Variants in HHAT observed in about 807,000 individuals in gnomAD.
HHAT encodes the protein protein-cysteine N-palmitoyltransferase HHAT.
A neutral mutation model predicts 70.8 loss-of-function variants in HHAT; 47 were observed. That is an observed-to-expected ratio of 0.66 (90% CI 0.53 to 0.85). HHAT has a LOEUF of 0.85. Among genes scored for constraint, HHAT ranks in the 40% least tolerant of loss-of-function variants. HHAT has a pLI of 0.00. For missense variants in HHAT, 609 were observed against 604.8 expected (o/e 1.01, Z -0.07); for synonymous variants, 228 against 247.6 (o/e 0.92, Z 0.74).
chr1:210,521,905 T>A (rs2095164212), intron 9 of HHAT, among the ~76,000 whole-genome samples: 1 of 152,236 alleles, frequency 6.6e-6, no homozygotes, highest in Admixed American at 6.5e-5. Flanking sequence ...AATTAGCATC[T>A]GTATTCAGTC....
chr1:210,355,195 T>C (rs1401162593), intron 2 of HHAT, among the ~76,000 whole-genome samples: 2 of 152,232 alleles, frequency 1.3e-5, no homozygotes, highest in African/African-American at 4.8e-5. Context: ...AATTCTCTTA[T>C]GTTCCATTGG....
chr1:210,584,072 AGC>A lies in HHAT; in HGVS notation c.1044-3825_1044-3824del, dbSNP rs373975260. ...AATTCCCGGGCTAAGCCTCCCGAGT[AGC>A]TGAGACTACAGGTGTGCACCACCAC... On this transcript the variant is annotated intron_variant, in intron 9 of 11. Coordinates refer to ENST00000261458, the MANE Select transcript of HHAT (RefSeq NM_018194.6). 3.4e-4 allele frequency among the ~76,000 whole-genome samples: 50 copies of A among 149,242 alleles called. 2 individuals carry two copies. In the South Asian group the frequency reaches 0.01, roughly 31 times the overall value.
chr1:210,384,432 A>G (rs1233120708), intron 3 of HHAT, among the ~76,000 whole-genome samples: 3 of 152,196 alleles, frequency 2.0e-5, no homozygotes, highest in African/African-American at 7.2e-5. Flanking sequence ...ATAATCAGTC[A>G]TGTAGATTGG....
intron 9 of HHAT, among the ~76,000 whole-genome samples, chr1:210,528,412 G>A (rs1188489591): frequency 1.3e-5 from 2 of 152,232 alleles, no homozygotes; most frequent in African/African-American, 4.8e-5. Flanking sequence ...GCTGGGCCAT[G>A]TAAGGCCTTG....
At chr1:210,382,669 C>G (rs1375261079) in intron 3 of HHAT, among the ~76,000 whole-genome samples, 1 of 152,060 alleles carries the variant, frequency 6.6e-6, no homozygotes, top group African/African-American at 2.4e-5. Context: ...TGAGGTCCAC[C>G]TGGGGAGGTA....
chr1:210,418,220 C>A lies in HHAT; in HGVS notation c.751C>A (p.Leu251Ile). 6.2e-7 allele frequency: 1 copy of A among 1,614,132 alleles called. No homozygotes were observed. The highest frequency in any genetic ancestry group is 1.7e-4 in the Middle Eastern group (1 of 6,060). Residue 251 changes from leucine to isoleucine, a missense_variant, in exon 7 of 12, where the codon CTT becomes ATT. Transcript: ENST00000261458. ...TGTCCTGGCCCTGGGGCTGGGCCGC[C>A]TTCTTTGCTGGTGGTGGCTGGCCGA... Reference protein sequence around the residue: ...LCVLALGLGRLLCWWWLAELM... With the variant: ...LCVLALGLGRILCWWWLAELM...
chr1:210,664,753 T>G (rs893758830), intron 11 of HHAT, among the ~76,000 whole-genome samples: 1 of 152,190 alleles, frequency 6.6e-6, no homozygotes, highest in Admixed American at 6.5e-5. Context: ...GAACCACATG[T>G]GACCCCTCTT....
chr1:210,489,656 A>G (rs4500315), intron 8 of HHAT, among the ~76,000 whole-genome samples: 58,893 of 152,008 alleles, frequency 0.39, 13,725 homozygotes, highest in Non-Finnish European at 0.51. Flanking sequence ...GTAACCATCA[A>G]CTTCTATGTT....
rs541424074 is a variant in HHAT, at chr1:210,534,136, A to G, written c.1043+20948A>G. On this transcript the variant is annotated intron_variant, in intron 9 of 11. Coordinates refer to ENST00000261458, the MANE Select transcript of HHAT (RefSeq NM_018194.6). Reference sequence around the variant, plus strand: ...CTTCCCGCCCCCCACCGCCCCACCAAGTGTTCTCCTAGGTGCTGTTCTGGG... The same window carrying G: ...CTTCCCGCCCCCCACCGCCCCACCAGGTGTTCTCCTAGGTGCTGTTCTGGG... 8.5e-5 allele frequency among the ~76,000 whole-genome samples: 13 copies of G among 152,240 alleles called. No individual in the cohort carries two copies. In the East Asian group the frequency reaches 2.5e-3, roughly 29 times the overall value.
intron 11 of HHAT, among the ~76,000 whole-genome samples, chr1:210,643,313 G>C (rs1423733102): frequency 6.6e-6 from 1 of 152,082 alleles, no homozygotes; most frequent in East Asian, 1.9e-4. Flanking sequence ...ATTTAACTTG[G>C]TTGGCTTTAG....
At chr1:210,533,526 GT>G (rs1408212560) in intron 9 of HHAT, among the ~76,000 whole-genome samples, 5 of 152,166 alleles carry the variant, frequency 3.3e-5, no homozygotes, top group Non-Finnish European at 7.4e-5. Flanking sequence ...GACTAAATAT[GT>G]TTGTAATCAC....
chr1:210,508,401 T>G (rs996683962), intron 8 of HHAT, among the ~76,000 whole-genome samples: 6 of 152,122 alleles, frequency 3.9e-5, no homozygotes, highest in African/African-American at 1.4e-4. Flanking sequence ...AGAGTCACTT[T>G]CTCATATGAT....
chr1:210,404,184 G>C (rs6677509), intron 5 of HHAT, among the ~76,000 whole-genome samples: 2 of 152,026 alleles, frequency 1.3e-5, no homozygotes, highest in Admixed American at 6.6e-5. Context: ...GAAAACCTTC[G>C]TTATGTTGTG....
At chr1:210,437,194 T>C (rs1411839887) in intron 7 of HHAT, among the ~76,000 whole-genome samples, 1 of 151,916 alleles carries the variant, frequency 6.6e-6, no homozygotes, top group Non-Finnish European at 1.5e-5. Context: ...GAACCTTTGA[T>C]AGACTATTCT....
chr1:210,407,930 A>G (rs2092396467), intron 6 of HHAT, among the ~76,000 whole-genome samples: 1 of 152,104 alleles, frequency 6.6e-6, no homozygotes, highest in South Asian at 2.1e-4. Flanking sequence ...CACCTTAGAG[A>G]AGCCAGTGGT....
chr1:210,362,236 C>CTTT (rs72236593), intron 2 of HHAT, among the ~76,000 whole-genome samples: 7 of 139,674 alleles, frequency 5.0e-5, no homozygotes, highest in Non-Finnish European at 3.1e-5. Flanking sequence ...GTCAAAATTT[C>CTTT]TTTTTTTTTT....
chr1:210,517,501 T>A (rs1235707896), intron 9 of HHAT, among the ~76,000 whole-genome samples: 2 of 152,120 alleles, frequency 1.3e-5, no homozygotes, highest in Non-Finnish European at 2.9e-5. Flanking sequence ...ATGTGGAATT[T>A]AAAAAAATTG....
chr1:210,462,420 C>T (rs1388607608), intron 7 of HHAT: 1 of 152,308 alleles, frequency 6.6e-6, no homozygotes, highest in East Asian at 1.9e-4. Flanking sequence ...AGTTGCGAGC[C>T]TCCCTCATTG....
At chr1:210,583,397 T>C (rs1659700135) in intron 9 of HHAT, among the ~76,000 whole-genome samples, 1 of 152,244 alleles carries the variant, frequency 6.6e-6, no homozygotes, top group South Asian at 2.1e-4. Flanking sequence ...TTTGCTTTGC[T>C]GAGAAGGTGG....
Sources: gnomAD v4.1 joint callset for allele counts (sites outside exome capture counted in the v4.1 genomes callset) on GRCh38, gnomAD v4.1.1 for gene constraint, MANE v1.5 for transcripts, NCBI Gene and HGNC (gene_info 2026-07-23, HGNC 2026-07-21) for gene names.